Variants in RARB observed in about 807,000 individuals in gnomAD.
RARB encodes the protein retinoic acid receptor beta, also known as HBV-activated protein.
In RARB, 17 loss-of-function variants were observed where a neutral mutation model predicts 51.9. That is an observed-to-expected ratio of 0.33 (90% confidence interval 0.22 to 0.49). The LOEUF (loss-of-function observed/expected upper bound fraction) is 0.49. RARB is among the 20% of genes least tolerant of loss of function. RARB has a pLI of 0.99. For missense variants in RARB, 369 were observed against 550.8 expected (o/e 0.67, Z 3.30); for synonymous variants, 215 against 195.4 (o/e 1.10, Z -0.84).
intron 2 of RARB, among the ~76,000 whole-genome samples, chr3:24,905,003 G>A (rs1694825532): frequency 6.6e-6 from 1 of 152,168 alleles, no homozygotes; most frequent in South Asian, 2.1e-4. Flanking sequence ...TCACACAAGG[G>A]GAGGGATAGT....
At chr3:25,143,521 C>T (rs887547904) in intron 4 of RARB, among the ~76,000 whole-genome samples, 7 of 152,166 alleles carry the variant, frequency 4.6e-5, no homozygotes, top group African/African-American at 1.7e-4. Flanking sequence ...GTCACACAAG[C>T]TCAGGTTAGA....
At chr3:25,139,495 T>A (rs998645053) in intron 4 of RARB, among the ~76,000 whole-genome samples, 1 of 152,138 alleles carries the variant, frequency 6.6e-6, no homozygotes, top group African/African-American at 2.4e-5. Flanking sequence ...AAGTCCTAAC[T>A]CACTTCAATG....
intron 3 of RARB, among the ~76,000 whole-genome samples, chr3:25,512,739 T>C (rs932579729): frequency 6.6e-6 from 1 of 152,194 alleles, no homozygotes; most frequent in African/African-American, 2.4e-5. Context: ...GGGTCACTCT[T>C]GCCTCTCCAT....
chr3:25,230,797 C>G (rs1423904900), intron 5 of RARB, among the ~76,000 whole-genome samples: 1 of 152,020 alleles, frequency 6.6e-6, no homozygotes, highest in African/African-American at 2.4e-5. Context: ...AATAGGGTAG[C>G]CACTAGCCAC....
At chr3:24,834,471 A>T (rs1479884828) in intron 1 of RARB, among the ~76,000 whole-genome samples, 2 of 152,196 alleles carry the variant, frequency 1.3e-5, no homozygotes, top group Non-Finnish European at 2.9e-5. Flanking sequence ...AAAATATTTG[A>T]GTGAGAAGTA....
At chr3:25,183,851 G>T (rs570069021) in intron 5 of RARB, among the ~76,000 whole-genome samples, 108 of 152,156 alleles carry the variant, frequency 7.1e-4, no homozygotes, top group African/African-American at 2.6e-3. Context: ...CTTATATTTA[G>T]AGCTAATTTT....
chr3:24,979,446 G>T (rs1376746022), intron 2 of RARB, among the ~76,000 whole-genome samples: 2 of 152,128 alleles, frequency 1.3e-5, no homozygotes, highest in African/African-American at 2.4e-5. Flanking sequence ...ATATATTTAG[G>T]ATAGTTAGCT....
intron 5 of RARB, among the ~76,000 whole-genome samples, chr3:25,318,472 G>T (rs1400389915): frequency 6.6e-6 from 1 of 152,094 alleles, no homozygotes; most frequent in Non-Finnish European, 1.5e-5. Flanking sequence ...ATGGTGTATT[G>T]CTGGTTTAGC....
At chr3:24,892,158 C>T (rs1460178838) in intron 2 of RARB, among the ~76,000 whole-genome samples, 2 of 151,574 alleles carry the variant, frequency 1.3e-5, no homozygotes, top group African/African-American at 4.9e-5. Context: ...TCTCAAGGAC[C>T]CCGACTCATC....
intron 2 of RARB, among the ~76,000 whole-genome samples, chr3:25,044,548 G>A (rs1698176531): frequency 1.3e-5 from 2 of 152,162 alleles, no homozygotes; most frequent in Admixed American, 6.5e-5. Context: ...CCTGGGATTG[G>A]TGTTCAAGGT....
intron 5 of RARB, among the ~76,000 whole-genome samples, chr3:25,179,028 C>A (rs914408766): frequency 6.6e-6 from 1 of 152,138 alleles, no homozygotes; most frequent in African/African-American, 2.4e-5. Flanking sequence ...TCTTAAAATG[C>A]GAATTCTTTT....
chr3:25,199,001 T>C lies in RARB; in HGVS notation c.178+24426T>C, dbSNP rs545548057. Reference sequence around the variant, plus strand: ...AGAGATATCTGCATTCTCATGTTTATTGTAGCACTATTCACAATGGCCAAG... The same window carrying C: ...AGAGATATCTGCATTCTCATGTTTACTGTAGCACTATTCACAATGGCCAAG... On this transcript the variant is annotated intron_variant, in intron 5 of 11. Transcript: ENST00000383772. Among the ~76,000 whole-genome samples, 8 of 152,190 alleles carry C rather than the reference T, an allele frequency of 5.3e-5. No individual in the cohort carries two copies. In the East Asian group the frequency reaches 1.3e-3, roughly 26 times the overall value.
chr3:24,940,501 T>C (rs548759800), intron 2 of RARB, among the ~76,000 whole-genome samples: 1 of 152,338 alleles, frequency 6.6e-6, no homozygotes, highest in South Asian at 2.1e-4. Flanking sequence ...AAAATAGTCA[T>C]TCAAGTGAAC....
intron 2 of RARB, among the ~76,000 whole-genome samples, chr3:24,878,875 CTTGG>C (rs2125355011): frequency 6.6e-6 from 1 of 152,168 alleles, no homozygotes; most frequent in Non-Finnish European, 1.5e-5. Flanking sequence ...TAGATAAAGA[CTTGG>C]TTGAAGATAT....
chr3:25,485,754 A>C (rs1696434617), intron 2 of RARB, among the ~76,000 whole-genome samples: 1 of 152,138 alleles, frequency 6.6e-6, no homozygotes, highest in Admixed American at 6.5e-5. Flanking sequence ...AAGCAGATGG[A>C]AAGGAAAGCA....
chr3:24,923,263 C>A (rs1354397739), intron 2 of RARB, among the ~76,000 whole-genome samples: 2 of 151,840 alleles, frequency 1.3e-5, no homozygotes, highest in Non-Finnish European at 1.5e-5. Context: ...CTGTATTTCA[C>A]TATAATGGCC....
intron 3 of RARB, among the ~76,000 whole-genome samples, chr3:25,082,402 G>T (rs1699025641): frequency 6.6e-6 from 1 of 151,316 alleles, no homozygotes; most frequent in Admixed American, 6.6e-5. Flanking sequence ...TTAGTATTTT[G>T]ATTTTTTCTC....
At chr3:25,122,805 A>G (rs1699806110) in intron 3 of RARB, among the ~76,000 whole-genome samples, 1 of 152,170 alleles carries the variant, frequency 6.6e-6, no homozygotes, top group Non-Finnish European at 1.5e-5. Flanking sequence ...CCCTCTAACC[A>G]CACACAGAAT....
intron 5 of RARB, among the ~76,000 whole-genome samples, chr3:25,208,486 C>A (rs980181305): frequency 6.6e-6 from 1 of 152,068 alleles, no homozygotes; most frequent in Non-Finnish European, 1.5e-5. Context: ...TTTAAACATT[C>A]TATCAATAAA....
Sources: allele counts gnomAD v4.1 joint callset (sites outside exome capture counted in the v4.1 genomes callset), GRCh38; gene constraint gnomAD v4.1.1; transcripts MANE v1.5; gene names NCBI Gene and HGNC (gene_info 2026-07-23, HGNC 2026-07-21).